GFM1: variants seen among roughly 807,000 people sequenced by gnomAD.
GFM1 encodes elongation factor G, mitochondrial.
A neutral mutation model predicts 96.2 loss-of-function variants in GFM1; 62 were observed. The ratio of observed to expected loss-of-function variants is 0.64; its 90% confidence interval spans 0.53 to 0.80. The LOEUF (loss-of-function observed/expected upper bound fraction) is 0.80. Ranked by LOEUF, GFM1 falls within the 30% of genes least tolerant of loss-of-function variation. The pLI, the probability that GFM1 is intolerant of heterozygous loss-of-function variation, is 0.00. For missense variants in GFM1, 852 were observed against 916.6 expected, an observed-to-expected ratio of 0.93 and a Z score of 0.91; for synonymous variants, 282 against 312.9, an observed-to-expected ratio of 0.90 and a Z score of 1.04.
At chr3:158,649,213 A>G in intron 5 of GFM1, 56 bp downstream of exon 5, 1 of 784,920 alleles carries the variant, frequency 1.3e-6, no homozygotes, top group African/African-American at 1.7e-5. Flanking sequence ...ATTAAAAAGA[A>G]GGAAAGGATA....
At chr3:158,653,186 C>A in intron 6 of GFM1, 124 bp from the exon 7 acceptor site, 2 of 707,714 alleles carry the variant, frequency 2.8e-6, no homozygotes, top group Non-Finnish European at 4.6e-6. Flanking sequence ...TGATTTTAGT[C>A]TCTATTAGAG....
At chr3:158,673,052 C>G (rs1404631356) in intron 13 of GFM1, among the ~76,000 whole-genome samples, 1 of 152,110 alleles carries the variant, frequency 6.6e-6, no homozygotes, top group African/African-American at 2.4e-5. Flanking sequence ...ATTTCCCTTC[C>G]CCTTATGAGA....
chr3:158,658,157 CTTTTTT>C (rs397842738), intron 8 of GFM1, among the ~76,000 whole-genome samples: 1 of 97,354 alleles, frequency 1.0e-5, no homozygotes, highest in Non-Finnish European at 1.9e-5. Context: ...TCACAGAACT[CTTTTTT>C]TTTTTTTTTT....
At chr3:158,649,932 A>T in intron 5 of GFM1, 1 of 1,229,652 alleles carries the variant, frequency 8.1e-7, no homozygotes, top group Non-Finnish European at 1.2e-6. Context: ...ACACTGATCT[A>T]GACAATGTGA....
chr3:158,685,274 G>A (rs1415635072), intron 15 of GFM1: 1 of 152,404 alleles, frequency 6.6e-6, no homozygotes, highest in African/African-American at 2.4e-5. Flanking sequence ...AAAAAAACTA[G>A]TGACAATGTA....
intron 13 of GFM1, among the ~76,000 whole-genome samples, chr3:158,674,303 C>G (rs772058106): frequency 6.6e-6 from 1 of 151,826 alleles, no homozygotes; most frequent in Non-Finnish European, 1.5e-5. Flanking sequence ...AGGCAATCCT[C>G]CCTCCTCTGC....
At position 158,663,598 on chromosome 3, in the gene GFM1, G is replaced by C. The variant is rs114957423; in HGVS notation, c.1380+914G>C. On this transcript the variant is annotated intron_variant, in intron 11 of 17. Coordinates refer to ENST00000486715, the MANE Select transcript of GFM1 (RefSeq NM_024996.7). ...CATTTTCTCAGGAATTTGAGGAAAG[G>C]TGAACCTTACATCTTAACCTCAGTA... Among the ~76,000 whole-genome samples the C allele has an allele frequency of 7.6e-3, 1,157 of 152,296 alleles. 23 individuals are homozygous for C. The highest frequency in any genetic ancestry group is 0.027 in the African/African-American group (1,123 of 41,568).
chr3:158,694,241 A>G lies in GFM1; in HGVS notation c.*2774A>G, dbSNP rs948762451. ...TGGTACATACACATTGTGGAATACT[A>G]TGCAGCCATAAAAAAAGAATGAGAT... On this transcript the variant is annotated 3_prime_UTR_variant, in exon 18 of 18. Coordinates refer to ENST00000486715, the MANE Select transcript of GFM1 (RefSeq NM_024996.7). Among the ~76,000 whole-genome samples the G allele has an allele frequency of 2.0e-5, 3 of 147,282 alleles. No homozygotes were observed. The highest frequency in any genetic ancestry group is 7.4e-5 in the African/African-American group (3 of 40,680).
At chr3:158,691,113 A>G (rs1310866089) in intron 16 of GFM1, 26 bp from the exon 17 acceptor site, 3 of 1,547,430 alleles carry the variant, frequency 1.9e-6, no homozygotes, top group Admixed American at 3.3e-5. Context: ...AAGCAGTGCT[A>G]AAATATCTAC....
chr3:158,646,011 G>T, intron 2 of GFM1, 154 bp from the exon 3 acceptor site: 1 of 1,010,404 alleles, frequency 9.9e-7, no homozygotes, highest in East Asian at 2.5e-5. Context: ...TCAAACTCTT[G>T]GGCTCAAATT....
intron 13 of GFM1, among the ~76,000 whole-genome samples, chr3:158,671,807 T>C (rs994294273): frequency 1.3e-5 from 2 of 152,226 alleles, no homozygotes; most frequent in Admixed American, 6.5e-5. Context: ...AGTCATGTGG[T>C]AGCGGTGTTT....
At position 158,676,848 on chromosome 3, in the gene GFM1, C is replaced by T. The variant is rs1361433843; in HGVS notation, c.1602-5147C>T. Among the ~76,000 whole-genome samples the T allele has an allele frequency of 6.6e-5, 10 of 151,930 alleles. No homozygotes were observed. In the East Asian group the frequency reaches 7.7e-4, roughly 12 times the overall value. ...CCGAGTAGCTAGGATTACAGGTGCC[C>T]GCCACCATGCCCGGCTAATTTTTGT... On this transcript the variant is annotated intron_variant, in intron 13 of 17. Transcript: ENST00000486715.
At chr3:158,679,947 G>A (rs924038666) in intron 13 of GFM1, among the ~76,000 whole-genome samples, 14 of 152,204 alleles carry the variant, frequency 9.2e-5, no homozygotes, top group African/African-American at 3.4e-4. Context: ...TGAGATAATA[G>A]GCATTTAAAA....
chr3:158,671,784 C>G (rs896837199), intron 13 of GFM1, among the ~76,000 whole-genome samples: 1 of 152,194 alleles, frequency 6.6e-6, no homozygotes, highest in Non-Finnish European at 1.5e-5. Context: ...AGAGGGTGCA[C>G]ATCATTTAAG....
intron 8 of GFM1, chr3:158,656,595 C>G (rs1022962905): frequency 3.0e-5 from 3 of 99,620 alleles, no homozygotes; most frequent in Admixed American, 1.9e-4. Flanking sequence ...TTGGCTCAGC[C>G]AACACTTGAG....
At chr3:158,687,063 T>TA (rs1209470741) in intron 15 of GFM1, among the ~76,000 whole-genome samples, 1 of 151,846 alleles carries the variant, frequency 6.6e-6, no homozygotes, top group African/African-American at 2.4e-5. Context: ...AGTGCAGTGT[T>TA]ATGATCTTGA....
chr3:158,674,348 C>T (rs542797100), intron 13 of GFM1, among the ~76,000 whole-genome samples: 116 of 152,170 alleles, frequency 7.6e-4, no homozygotes, highest in Non-Finnish European at 1.4e-3. Context: ...CATGAGCCAC[C>T]GTGCCTGGCC....
In GFM1 at chr3:158,645,671, C is replaced by G. The variant is rs781031730; in HGVS notation, c.124C>G (p.Pro42Ala). 2 of 1,612,562 alleles carry G rather than the reference C, an allele frequency of 1.2e-6. No individual in the cohort carries two copies. Among genetic ancestry groups the G allele is most frequent in the South Asian group, 2.2e-5 (2 of 91,042 alleles). ...ACRWSSSGVI[P>A]NEKIRNIGIS... ...CCGATGGTCTTCATCAGGGGTGATT[C>G]CTAATGAAAAAATACGAAATATTGG... is the stretch of plus-strand genomic sequence containing the variant. The change falls in exon 2 of 18, where the codon CCT (proline) becomes GCT (alanine). Residue 42 changes from proline (P) to alanine (A), a missense_variant. Coordinates refer to ENST00000486715, the MANE Select transcript of GFM1 (RefSeq NM_024996.7).
chr3:158,687,488 G>A (rs1215182655), intron 15 of GFM1, among the ~76,000 whole-genome samples: 2 of 152,030 alleles, frequency 1.3e-5, no homozygotes, highest in East Asian at 3.9e-4. Flanking sequence ...TATTATTTGA[G>A]ATGGAGTCTC....
Sources: gnomAD v4.1 joint callset for allele counts (sites outside exome capture counted in the v4.1 genomes callset) on GRCh38, gnomAD v4.1.1 for gene constraint, MANE v1.5 for transcripts, NCBI Gene and HGNC (gene_info 2026-07-23, HGNC 2026-07-21) for gene names.